Variants in ADAMTS2 observed in about 807,000 individuals in gnomAD.
The protein encoded by ADAMTS2 is A disintegrin and metalloproteinase with thrombospondin motifs 2.
ADAMTS2 carries 50 observed loss-of-function variants against 123.0 expected under a neutral mutation model. That is an observed-to-expected ratio of 0.41 (90% CI 0.32 to 0.51). The LOEUF is 0.51. Ranked by LOEUF, ADAMTS2 falls within the 20% of genes least tolerant of loss-of-function variation. The pLI is 0.35. For synonymous variants in ADAMTS2, 678 were observed against 695.4 expected, an observed-to-expected ratio of 0.98 and a Z score of 0.39; for missense variants, 1,494 against 1,705.2, an observed-to-expected ratio of 0.88 and a Z score of 2.18.
At chr5:179,255,637 T>A (rs1311314799) in intron 3 of ADAMTS2, among the ~76,000 whole-genome samples, 1 of 152,120 alleles carries the variant, frequency 6.6e-6, no homozygotes, top group African/African-American at 2.4e-5. Flanking sequence ...GGGGCCTGAC[T>A]CAGAATGGGG....
chr5:179,183,837 T>C (rs1764104151), intron 4 of ADAMTS2, among the ~76,000 whole-genome samples: 1 of 151,718 alleles, frequency 6.6e-6, no homozygotes, highest in Admixed American at 6.6e-5. Context: ...TAATTAGGGG[T>C]AGATGAGTTC....
chr5:179,319,365 A>G (rs1757093075), intron 2 of ADAMTS2, among the ~76,000 whole-genome samples: 1 of 152,220 alleles, frequency 6.6e-6, no homozygotes, highest in Non-Finnish European at 1.5e-5. Flanking sequence ...ATACATGTGT[A>G]TCATATGCAG....
intron 2 of ADAMTS2, among the ~76,000 whole-genome samples, chr5:179,288,099 C>A (rs140363628): frequency 1.3e-5 from 2 of 152,362 alleles, no homozygotes; most frequent in Non-Finnish European, 2.9e-5. Context: ...CCCCCTTTCA[C>A]TTTCCATCAC....
In ADAMTS2 at chr5:179,260,270, G is replaced by A. The variant is rs555087442; in HGVS notation, c.688+12641C>T. The stretch of plus-strand genomic sequence containing the variant: ...TTGCTCCCGGAGTGAGCTCCTGGGC[G>A]ACCGGGCTTCCTAGGCACTATGCTT... On this transcript the variant is annotated intron_variant, in intron 3 of 21. Transcript: ENST00000251582. This position sits in a 1 kb window ranked among gnomAD's most constrained non-coding sequence, Gnocchi z 4.2. Among the ~76,000 whole-genome samples the A allele has an allele frequency of 2.0e-4, 31 of 152,296 alleles. No individual in the cohort carries two copies. The highest frequency in any genetic ancestry group is 3.8e-4 in the Non-Finnish European group (26 of 68,022).
chr5:179,314,068 G>T lies in ADAMTS2; in HGVS notation c.534+29699C>A, dbSNP rs1426855807. On this transcript the variant is annotated intron_variant, in intron 2 of 21. Coordinates refer to ENST00000251582, the MANE Select transcript of ADAMTS2 (RefSeq NM_014244.5). This position sits in a 1 kb window ranked among gnomAD's most constrained non-coding sequence, Gnocchi z 4.5. ...CAGAACCTGATGGTGGGGCGGGGGG[G>T]TTCCTCACACACCCCACACCCCTGC... Among the ~76,000 whole-genome samples, 1 of 150,870 alleles carries T rather than the reference G, an allele frequency of 6.6e-6. No homozygotes were observed. Among genetic ancestry groups the T allele is most frequent in the East Asian group, 2.0e-4 (1 of 5,122 alleles).
chr5:179,272,564 C>A lies in ADAMTS2; in HGVS notation c.688+347G>T, dbSNP rs1216466357. Among the ~76,000 whole-genome samples the A allele has an allele frequency of 6.6e-6, 1 of 152,170 alleles. No individual in the cohort carries two copies. Among genetic ancestry groups the A allele is most frequent in the Non-Finnish European group, 1.5e-5 (1 of 68,002 alleles). On this transcript the variant is annotated intron_variant, in intron 3 of 21. Transcript: ENST00000251582. This position sits in a 1 kb window ranked among gnomAD's most constrained non-coding sequence, Gnocchi z 5.8. ...ACGCAGGCACTGGACTCAGGCCTGGCCGGGGGCCCCCGCCCCGCTCCACGA... is the reference window on the plus strand; with the variant it reads ...ACGCAGGCACTGGACTCAGGCCTGGACGGGGGCCCCCGCCCCGCTCCACGA...
In ADAMTS2 at chr5:179,225,387, G is replaced by A. The variant is rs926043940; in HGVS notation, c.689-17672C>T. On this transcript the variant is annotated intron_variant, in intron 3 of 21. Transcript: ENST00000251582. This position sits in a 1 kb window ranked among gnomAD's most constrained non-coding sequence, Gnocchi z 4.5. The stretch of plus-strand genomic sequence containing the variant: ...TTAAATGATATGGAAGCAGGGAAGT[G>A]CATGGTCCCTGGCTAAGGGCTCCAC... Among the ~76,000 whole-genome samples, 5 of 152,208 alleles carry A rather than the reference G, an allele frequency of 3.3e-5. No individual in the cohort carries two copies. The highest frequency in any genetic ancestry group is 2.1e-4 in the South Asian group (1 of 4,830).
chr5:179,299,868 G>A (rs55734145), intron 2 of ADAMTS2, among the ~76,000 whole-genome samples: 40,943 of 151,702 alleles, frequency 0.27, 6,162 homozygotes, highest in Admixed American at 0.37. Flanking sequence ...GCTGAGGCGG[G>A]CGGATCACAA....
intron 2 of ADAMTS2, among the ~76,000 whole-genome samples, chr5:179,323,254 G>T (rs1056180034): frequency 6.6e-6 from 1 of 152,244 alleles, no homozygotes; most frequent in Non-Finnish European, 1.5e-5. Flanking sequence ...CTAAATAGCT[G>T]CGAAGGGAAA....
At chr5:179,231,643 G>T (rs1765414171) in intron 3 of ADAMTS2, among the ~76,000 whole-genome samples, 2 of 152,154 alleles carry the variant, frequency 1.3e-5, no homozygotes, top group Non-Finnish European at 2.9e-5. Flanking sequence ...GTAATTAAAG[G>T]ACAAATTGGT....
intron 3 of ADAMTS2, among the ~76,000 whole-genome samples, chr5:179,231,381 G>A (rs902280295): frequency 6.6e-6 from 1 of 152,172 alleles, no homozygotes; most frequent in African/African-American, 2.4e-5. Flanking sequence ...TGAGAGGTCT[G>A]AGCTCACGTT....
rs1042716672 is a variant in ADAMTS2, at chr5:179,314,069, T to C, written c.534+29698A>G. ...AGAACCTGATGGTGGGGCGGGGGGG[T>C]TCCTCACACACCCCACACCCCTGCC... On this transcript the variant is annotated intron_variant, in intron 2 of 21. Transcript: ENST00000251582. The surrounding 1 kb of genome is among the most constrained non-coding windows in gnomAD (Gnocchi z 4.5). Among the ~76,000 whole-genome samples the C allele has an allele frequency of 1.4e-5, 2 of 143,408 alleles. No individual in the cohort carries two copies. The highest frequency in any genetic ancestry group is 2.6e-5 in the African/African-American group (1 of 38,472). The allele number at this position is 143,408 out of a possible 152,430, so 94.1% of individuals were successfully genotyped here.
intron 2 of ADAMTS2, among the ~76,000 whole-genome samples, chr5:179,302,806 T>C (rs1365431900): frequency 6.0e-5 from 9 of 151,250 alleles, no homozygotes; most frequent in Admixed American, 5.9e-4. Flanking sequence ...TGGAGAGATC[T>C]GGGGAAGTGG....
intron 2 of ADAMTS2, among the ~76,000 whole-genome samples, chr5:179,310,805 C>A (rs906289403): frequency 1.2e-4 from 18 of 152,214 alleles, no homozygotes; most frequent in African/African-American, 4.1e-4. Context: ...GCCCTGGGGA[C>A]GCAGAGGCAT....
chr5:179,265,659 G>A (rs1036147327), intron 3 of ADAMTS2, among the ~76,000 whole-genome samples: 1 of 152,164 alleles, frequency 6.6e-6, no homozygotes, highest in African/African-American at 2.4e-5. Context: ...CTCCAGCCTC[G>A]GAGAATGTGC....
In ADAMTS2 at chr5:179,160,812, A is replaced by T. The variant is rs564045490; in HGVS notation, c.976-1933T>A. ...AGGTGCACTTCCTGTTCCCATCATGACCAGGAAGAGCATGTGACTAGCTCT... is the reference window on the plus strand; with the variant it reads ...AGGTGCACTTCCTGTTCCCATCATGTCCAGGAAGAGCATGTGACTAGCTCT... On this transcript the variant is annotated intron_variant, in intron 5 of 21. Transcript: ENST00000251582. Among the ~76,000 whole-genome samples, 28 of 152,290 alleles carry T rather than the reference A, an allele frequency of 1.8e-4. No homozygotes were observed. In the South Asian group the frequency reaches 5.8e-3, roughly 32 times the overall value.
Position 179,153,313 on chromosome 5 carries a change from G to A in ADAMTS2, c.1515+178C>T, listed in dbSNP as rs539088978. On this transcript the variant is annotated intron_variant, in intron 9 of 21. Transcript: ENST00000251582. ...GACCACGTCTGGGCCTGCCAGGTGGGCTCAGGGTGCCTAGGGGGTGGGGAG... is the reference window on the plus strand; with the variant it reads ...GACCACGTCTGGGCCTGCCAGGTGGACTCAGGGTGCCTAGGGGGTGGGGAG... Among the ~76,000 whole-genome samples the A allele has an allele frequency of 6.8e-4, 103 of 152,260 alleles. 1 individual carries two copies. Among genetic ancestry groups the A allele is most frequent in the African/African-American group, 2.4e-3 (100 of 41,556 alleles).
chr5:179,287,338 A>G (rs1439916254), intron 2 of ADAMTS2, among the ~76,000 whole-genome samples: 1 of 152,172 alleles, frequency 6.6e-6, no homozygotes, highest in Non-Finnish European at 1.5e-5. Context: ...CGGGGCAGTG[A>G]GTGCAGGCGC....
At position 179,209,084 on chromosome 5, in the gene ADAMTS2, C is replaced by T. The variant is rs565047627; in HGVS notation, c.689-1369G>A. On this transcript the variant is annotated intron_variant, in intron 3 of 21. Coordinates refer to ENST00000251582, the MANE Select transcript of ADAMTS2 (RefSeq NM_014244.5). ...GGTGGCCCAGGACAGGCCCTGGAGG[C>T]AGAACAAGGCCCCTGCAGGCGGCAC... is the stretch of plus-strand genomic sequence containing the variant. Among the ~76,000 whole-genome samples, 3 of 152,332 alleles carry T rather than the reference C, an allele frequency of 2.0e-5. No homozygotes were observed. The East Asian group carries it at 5.8e-4, about 29-fold the overall frequency.
Sources: allele counts gnomAD v4.1 joint callset (sites outside exome capture counted in the v4.1 genomes callset), GRCh38; gene constraint gnomAD v4.1.1; non-coding constraint Gnocchi (gnomAD v3.1); transcripts MANE v1.5; gene names NCBI Gene and HGNC (gene_info 2026-07-23, HGNC 2026-07-21).